MORC3: variants seen among roughly 807,000 people sequenced by gnomAD.
MORC3 encodes the protein MORC family CW-type zinc finger protein 3.
Under a neutral mutation model 109.1 loss-of-function variants are expected in MORC3, and 31 were observed. The ratio of observed to expected loss-of-function variants is 0.28; its 90% CI spans 0.21 to 0.38. The LOEUF is 0.38. Among genes scored for constraint, MORC3 ranks in the 10% least tolerant of loss-of-function variants. The pLI, the probability that MORC3 is intolerant of heterozygous loss-of-function variation, is 1.00. For synonymous variants in MORC3, 395 were observed against 380.7 expected (o/e 1.04, Z -0.44); for missense variants, 867 against 1,135.8 (o/e 0.76, Z 3.40).
At chr21:36,334,496 C>T (rs2085353395) in intron 2 of MORC3, among the ~76,000 whole-genome samples, 1 of 152,122 alleles carries the variant, frequency 6.6e-6, no homozygotes. Context: ...GATGAGGTCT[C>T]ACCATGTTGT....
intron 3 of MORC3, among the ~76,000 whole-genome samples, chr21:36,337,314 A>G (rs561807558): frequency 2.0e-5 from 3 of 152,180 alleles, no homozygotes. Flanking sequence ...AATAAAACCT[A>G]CCACTTTGTT....
intron 4 of MORC3, among the ~76,000 whole-genome samples, chr21:36,338,281 C>T (rs576375899): frequency 1.3e-5 from 2 of 152,164 alleles, no homozygotes; most frequent in Admixed American, 1.3e-4. Flanking sequence ...TAGGAAAATG[C>T]CTTTTGTATG....
intron 9 of MORC3, among the ~76,000 whole-genome samples, chr21:36,356,348 T>G (rs1362954505): frequency 6.6e-6 from 1 of 152,178 alleles, no homozygotes; most frequent in Non-Finnish European, 1.5e-5. Flanking sequence ...TTATTCTTAA[T>G]TTTTTGGATA....
chr21:36,362,299 T>C, intron 13 of MORC3, 71 bp downstream of exon 13: 1 of 1,509,408 alleles, frequency 6.6e-7, no homozygotes, highest in East Asian at 2.4e-5. Flanking sequence ...TCCCAGCATT[T>C]TGGGAGGCCG....
At chr21:36,329,009 C>T (rs1392172649) in intron 1 of MORC3, among the ~76,000 whole-genome samples, 1 of 151,594 alleles carries the variant, frequency 6.6e-6, no homozygotes, top group Non-Finnish European at 1.5e-5. Context: ...AGAAAGTTTA[C>T]AGGCCGGGCA....
In MORC3 at chr21:36,376,405, A is replaced by C. The variant is rs909127794; in HGVS notation, c.*1109A>C. On this transcript the variant is annotated 3_prime_UTR_variant, in exon 17 of 17. Coordinates refer to ENST00000400485, the MANE Select transcript of MORC3 (RefSeq NM_015358.3). ...TTTATTTTTACCTTTGTTTTTGAAC[A>C]TTCAATCCGTTCATTTTGTATGTAT... 6.6e-6 allele frequency: 1 copy of C among 152,536 alleles called. No individual in the cohort carries two copies. Among genetic ancestry groups the C allele is most frequent in the African/African-American group, 2.4e-5 (1 of 41,464 alleles). 9.4% of individuals were successfully genotyped at this position (152,536 alleles called of 1,614,324 possible).
In MORC3 at chr21:36,349,301, A is replaced by G; in HGVS notation, c.1006-10A>G. 1.3e-6 allele frequency: 2 copies of G among 1,594,144 alleles called. No individual in the cohort carries two copies. Among genetic ancestry groups the G allele is most frequent in the Non-Finnish European group, 8.6e-7 (1 of 1,168,848 alleles). ...ATGCTTAAAATGCTGATTTCATTTT[A>G]TTTTTTCAGGCAAACAACATGGGTG... On this transcript the variant is annotated splice_polypyrimidine_tract_variant and intron_variant, in intron 8 of 16. Coordinates refer to ENST00000400485, the MANE Select transcript of MORC3 (RefSeq NM_015358.3).
At chr21:36,327,086 G>C (rs1358166030) in intron 1 of MORC3, among the ~76,000 whole-genome samples, 1 of 150,050 alleles carries the variant, frequency 6.7e-6, no homozygotes, top group African/African-American at 2.5e-5. Context: ...AAGTGCGGGG[G>C]TTACAGCAGG....
chr21:36,321,836 C>T (rs77150091), intron 1 of MORC3, among the ~76,000 whole-genome samples: 9,786 of 152,216 alleles, frequency 0.064, 452 homozygotes, highest in Non-Finnish European at 0.097. Flanking sequence ...TTCTCTTCTC[C>T]CTTCCCGCCC....
chr21:36,369,562 C>G lies in MORC3; in HGVS notation c.2194C>G (p.Leu732Val). Residue 732 changes from leucine to valine, a missense_variant, in exon 15 of 17, where the codon CTA becomes GTA. Around this residue, in one of 7 missense-constraint regions of MORC3, gnomAD observed 486 missense variants for 502.1 expected, o/e 0.97. Coordinates refer to ENST00000400485, the MANE Select transcript of MORC3 (RefSeq NM_015358.3). ...DQIKVLQQRI[L>V]EMNDKYVKKE... ...AATCAAAGTGTTACAACAGAGGATA[C>G]TAGAAATGAATGACAAGTATGTTAA... 1 of 1,614,142 alleles carries G rather than the reference C, an allele frequency of 6.2e-7. No homozygotes were observed. Among genetic ancestry groups the G allele is most frequent in the African/African-American group, 1.3e-5 (1 of 75,020 alleles).
At chr21:36,337,140 A>G (rs543024166) in intron 3 of MORC3, 134 bp downstream of exon 3, 2 of 1,040,866 alleles carry the variant, frequency 1.9e-6, no homozygotes, top group African/African-American at 1.6e-5. Context: ...TTCTCTAAGC[A>G]TGATTTTCTA....
chr21:36,320,745 G>C (rs2085183566), intron 1 of MORC3: 1 of 168,842 alleles, frequency 5.9e-6, no homozygotes, highest in South Asian at 2.0e-4. Context: ...ACGGGGCTGC[G>C]GGCCTGCCTG....
At chr21:36,327,441 C>T (rs890800644) in intron 1 of MORC3, among the ~76,000 whole-genome samples, 10 of 151,098 alleles carry the variant, frequency 6.6e-5, no homozygotes, top group East Asian at 1.9e-4. Context: ...AGTGAACCAC[C>T]GTGCTTGGCC....
At chr21:36,353,593 T>G (rs946410259) in intron 9 of MORC3, among the ~76,000 whole-genome samples, 1 of 151,332 alleles carries the variant, frequency 6.6e-6, no homozygotes, top group Non-Finnish European at 1.5e-5. Context: ...TATTTATTTT[T>G]TTCTGAGATG....
At chr21:36,364,801 C>T (rs529841227) in intron 14 of MORC3, among the ~76,000 whole-genome samples, 6 of 151,158 alleles carry the variant, frequency 4.0e-5, no homozygotes, top group Non-Finnish European at 4.4e-5. Flanking sequence ...CCTGTAATCC[C>T]AGCACTTTGG....
intron 12 of MORC3, 174 bp from the exon 13 acceptor site, chr21:36,362,009 A>G: frequency 1.4e-6 from 1 of 724,292 alleles, no homozygotes; most frequent in Non-Finnish European, 2.4e-6. Context: ...ATTCAGGCTA[A>G]AATTAGGGTG....
At chr21:36,330,692 C>G (rs202077688) in intron 1 of MORC3, among the ~76,000 whole-genome samples, 1 of 152,180 alleles carries the variant, frequency 6.6e-6, no homozygotes, top group Non-Finnish European at 1.5e-5. Flanking sequence ...TTTTACACCC[C>G]AAGGCCATGT....
chr21:36,372,517 T>C lies in MORC3; in HGVS notation c.2652T>C (p.His884=). Residue 884 remains histidine (H), a synonymous_variant, in exon 16 of 17, where the codon CAT becomes CAC. Coordinates refer to ENST00000400485, the MANE Select transcript of MORC3 (RefSeq NM_015358.3). ...TSSNIEESVN[H]MDGESLKLRS... is the part of the protein sequence containing the mutation. ...GTAACATTGAGGAGTCTGTAAATCA[T>C]ATGGATGGAGAAAGGTAATATTAAA... The C allele has an allele frequency of 6.3e-7, 1 of 1,582,914 alleles. No homozygotes were observed. The highest frequency in any genetic ancestry group is 8.5e-7 in the Non-Finnish European group (1 of 1,172,520).
At chr21:36,350,037 G>C (rs1399330514) in intron 9 of MORC3, among the ~76,000 whole-genome samples, 1 of 152,186 alleles carries the variant, frequency 6.6e-6, no homozygotes, top group Non-Finnish European at 1.5e-5. Context: ...AGGTGCAGTG[G>C]CTCTTTCCTG....
Sources: gnomAD v4.1 joint callset for allele counts (sites outside exome capture counted in the v4.1 genomes callset) on GRCh38, gnomAD v4.1.1 for gene constraint, gnomAD v4.1.1 regional missense constraint, MANE v1.5 for transcripts, NCBI Gene and HGNC (gene_info 2026-07-23, HGNC 2026-07-21) for gene names.